PLCG2: variants seen among roughly 807,000 people sequenced by gnomAD.
PLCG2 encodes phospholipase C gamma 2.
A neutral mutation model predicts 175.6 loss-of-function variants in PLCG2; 69 were observed. That is an observed-to-expected ratio of 0.39 (90% CI 0.32 to 0.48). PLCG2 has a LOEUF of 0.48. PLCG2 is among the 20% of genes least tolerant of loss of function. The pLI is 0.91. For synonymous variants in PLCG2, 827 were observed against 624.0 expected (o/e 1.33, Z -4.85); for missense variants, 1,798 against 1,650.9 (o/e 1.09, Z -1.54).
intron 22 of PLCG2, among the ~76,000 whole-genome samples, chr16:81,925,344 G>A (rs1230196889): frequency 6.6e-6 from 1 of 152,172 alleles, no homozygotes; most frequent in African/African-American, 2.4e-5. Context: ...GAACCAAGAT[G>A]CTCCTGAGAG....
intron 9 of PLCG2, among the ~76,000 whole-genome samples, chr16:81,885,724 A>T (rs1047742069): frequency 6.6e-6 from 1 of 152,116 alleles, no homozygotes; most frequent in African/African-American, 2.4e-5. Context: ...TTTGGATTTC[A>T]TTGATGGAAG....
At position 81,912,665 on chromosome 16, in the gene PLCG2, C is replaced by T. The variant is rs1190118926; in HGVS notation, c.2003C>T (p.Ala668Val). 3.1e-6 allele frequency: 5 copies of T among 1,612,692 alleles called. No homozygotes were observed. Among genetic ancestry groups the T allele is most frequent in the Non-Finnish European group, 3.4e-6 (4 of 1,179,586 alleles). ...CTGATGAGGATTCCCCGGGACGGGG[C>T]CTTCCTGATCCGGAAGCGAGAGGGG... ...DMLMRIPRDG[A>V]FLIRKREGSD... The change falls in exon 19 of 33, where the codon GCC (alanine) becomes GTC (valine). Residue 668 changes from alanine (A) to valine (V), a missense_variant. Physicochemically the swap from Ala to Val is moderately conservative, Grantham distance 64 (BLOSUM62 0). Coordinates refer to ENST00000564138, the MANE Select transcript of PLCG2 (RefSeq NM_002661.5).
intron 1 of PLCG2, among the ~76,000 whole-genome samples, chr16:81,751,020 G>A (rs796525381): frequency 5.4e-5 from 5 of 92,972 alleles, no homozygotes; most frequent in African/African-American, 2.1e-4. Context: ...CACTCTTGTT[G>A]TCCAGACTGG....
intron 1 of PLCG2, among the ~76,000 whole-genome samples, chr16:81,749,482 A>G (rs1442809444): frequency 6.6e-6 from 1 of 152,012 alleles, no homozygotes; most frequent in African/African-American, 2.4e-5. Flanking sequence ...CCTCCTGAGT[A>G]GCTGGGATTA....
intron 6 of PLCG2, 41 bp downstream of exon 6, chr16:81,869,339 A>G (rs754643031): frequency 1.2e-5 from 17 of 1,398,740 alleles, no homozygotes; most frequent in East Asian, 2.3e-5. Context: ...ATGAATGCGG[A>G]GTGACTTAGC....
intron 21 of PLCG2, among the ~76,000 whole-genome samples, chr16:81,922,982 C>A (rs1429106624): frequency 1.3e-5 from 2 of 151,534 alleles, no homozygotes; most frequent in African/African-American, 2.4e-5. Flanking sequence ...AGATAGGGGA[C>A]TGCTGACCTA....
At chr16:81,854,346 G>A (rs1906572969) in intron 2 of PLCG2, 98 bp from the exon 3 acceptor site, 1 of 1,085,900 alleles carries the variant, frequency 9.2e-7, no homozygotes, top group Non-Finnish European at 1.4e-6. Flanking sequence ...TGTTGGGGAA[G>A]GAAGGAGCCA....
Position 81,883,584 on chromosome 16 carries a change from A to G in PLCG2, c.765+243A>G, listed in dbSNP as rs937944210. On this transcript the variant is annotated intron_variant, in intron 9 of 32. Transcript: ENST00000564138. ...CTCATGTCGGGCCTCTTTTGAAGGC[A>G]CACATTGAGGATGAGAAGACTGAGA... 2.3e-5 allele frequency: 13 copies of G among 553,542 alleles called. No homozygotes were observed. In the East Asian group the frequency reaches 4.0e-4, roughly 17 times the overall value. The allele number at this position is 553,542 out of a possible 1,614,324, so 34.3% of individuals were successfully genotyped here. A position where few individuals can be genotyped will look rare whatever the true frequency, so the allele number is the denominator to read the frequency against.
chr16:81,886,052 A>C (rs942337987), intron 9 of PLCG2, among the ~76,000 whole-genome samples: 15 of 152,148 alleles, frequency 9.9e-5, no homozygotes, highest in Non-Finnish European at 1.8e-4. Context: ...TCCCTTCATT[A>C]TTTTCCTTCC....
intron 2 of PLCG2, among the ~76,000 whole-genome samples, chr16:81,824,486 C>A (rs1176538051): frequency 6.6e-6 from 1 of 152,218 alleles, no homozygotes; most frequent in Non-Finnish European, 1.5e-5. Context: ...GGGGTTGTGA[C>A]TGCTGGAAAG....
rs1908127840 is a variant in PLCG2 at position 81,882,397 on chromosome 16, T to G, written c.693-872T>G. 2.0e-5 allele frequency among the ~76,000 whole-genome samples: 3 copies of G among 152,178 alleles called. No individual in the cohort carries two copies. The South Asian group carries it at 6.2e-4, about 31-fold the overall frequency. On this transcript the variant is annotated intron_variant, in intron 8 of 32. Coordinates refer to ENST00000564138, the MANE Select transcript of PLCG2 (RefSeq NM_002661.5). ...AATTTTGCCCTGATGGCCTGGAGTCTGGTGGGGCCTCATGTGGCTCCCACT... is the reference window on the plus strand; with the variant it reads ...AATTTTGCCCTGATGGCCTGGAGTCGGGTGGGGCCTCATGTGGCTCCCACT...
chr16:81,915,078 C>G (rs1219398180), intron 19 of PLCG2, among the ~76,000 whole-genome samples: 1 of 152,208 alleles, frequency 6.6e-6, no homozygotes, highest in Non-Finnish European at 1.5e-5. Flanking sequence ...CTGTCCTTCA[C>G]TGAGAAGCAC....
intron 3 of PLCG2, among the ~76,000 whole-genome samples, chr16:81,856,238 G>A (rs920465739): frequency 6.6e-6 from 1 of 152,096 alleles, no homozygotes; most frequent in South Asian, 2.1e-4. Context: ...ATGGGTGTAC[G>A]GACTGATAAA....
At position 81,909,136 on chromosome 16, in the gene PLCG2, T is replaced by A. The variant is rs187253110; in HGVS notation, c.1733+545T>A. On this transcript the variant is annotated intron_variant, in intron 17 of 32. Coordinates refer to ENST00000564138, the MANE Select transcript of PLCG2 (RefSeq NM_002661.5). ...TGCCCTGTGCTAGACACAGTACTTA[T>A]GCCAGACAGACAATGTCTTTGTCCT... 2.2e-3 allele frequency among the ~76,000 whole-genome samples: 330 copies of A among 152,376 alleles called. 1 individual carries two copies. The highest frequency in any genetic ancestry group is 7.4e-3 in the African/African-American group (309 of 41,586).
chr16:81,832,207 A>T (rs1027280091), intron 2 of PLCG2, among the ~76,000 whole-genome samples: 2 of 152,064 alleles, frequency 1.3e-5, no homozygotes, highest in Admixed American at 6.6e-5. Context: ...ACTTGGGGGG[A>T]TATTCACCAT....
intron 31 of PLCG2, among the ~76,000 whole-genome samples, chr16:81,953,003 G>C (rs1023031153): frequency 1.3e-5 from 2 of 152,248 alleles, no homozygotes; most frequent in African/African-American, 4.8e-5. Context: ...CGTACTTCCT[G>C]AGGTGAGACG....
At chr16:81,754,373 C>T (rs1909877476) in intron 1 of PLCG2, among the ~76,000 whole-genome samples, 1 of 58,190 alleles carries the variant, frequency 1.7e-5, no homozygotes, top group Non-Finnish European at 3.3e-5. Context: ...CTCCCCACCT[C>T]CTCCCCACCC....
At chr16:81,934,284 T>C in intron 25 of PLCG2, 145 bp from the exon 26 acceptor site, 2 of 622,312 alleles carry the variant, frequency 3.2e-6, no homozygotes, top group Non-Finnish European at 5.7e-6. Flanking sequence ...GGCAGGGTTG[T>C]CTTCAGGAAA....
chr16:81,936,232 A>T lies in PLCG2; in HGVS notation c.2906A>T (p.Gln969Leu). Residue 969 changes from glutamine to leucine, a missense_variant, in exon 27 of 33, where the codon CAG becomes CTG. Transcript: ENST00000564138. ...ACGAAGGCTGACAGCATCATCAGAC[A>T]GAAGCCCGTCGACCTCCTGAAGTAC... ...VETKADSIIR[Q>L]KPVDLLKYNQ... 1 of 1,614,188 alleles carries T rather than the reference A, an allele frequency of 6.2e-7. No individual in the cohort carries two copies. Among genetic ancestry groups the T allele is most frequent in the Non-Finnish European group, 8.5e-7 (1 of 1,180,030 alleles).
Sources: allele counts gnomAD v4.1 joint callset (sites outside exome capture counted in the v4.1 genomes callset), GRCh38; gene constraint gnomAD v4.1.1; transcripts MANE v1.5; gene names NCBI Gene and HGNC (gene_info 2026-07-23, HGNC 2026-07-21).